The following ATP11A variants were observed in gnomAD, a reference collection of about 807,000 sequenced individuals.
ATP11A encodes the protein phospholipid-transporting ATPase IH.
Under a neutral mutation model 154.4 loss-of-function variants are expected in ATP11A, and 81 were observed. That is an observed-to-expected ratio of 0.52 (90% CI 0.44 to 0.63). The LOEUF (loss-of-function observed/expected upper bound fraction) is 0.63, where lower values mean the gene tolerates loss of function less well. ATP11A is among the 30% of genes least tolerant of loss of function. The probability of loss-of-function intolerance (pLI) is 0.00; values close to 1 mark genes in which losing one functional copy is unlikely to be tolerated. For missense variants in ATP11A, 1,316 were observed against 1,474.3 expected (o/e 0.89, Z 1.76); for synonymous variants, 623 against 585.9 (o/e 1.06, Z -0.91).
At chr13:112,708,015 T>G (rs978766804) in intron 1 of ATP11A, among the ~76,000 whole-genome samples, 1 of 152,212 alleles carries the variant, frequency 6.6e-6, no homozygotes, top group Non-Finnish European at 1.5e-5. Context: ...AAGGGCCCAA[T>G]TCTTCTCCAT....
In ATP11A at chr13:112,886,174, C is replaced by G. The variant is rs368128410; in HGVS notation, c.*4308C>G. ...GACAGGGCGAACAAGCAGGCCACAC[C>G]GTCTCGAGGGAGGAGGCCAGATGCG... On this transcript the variant is annotated 3_prime_UTR_variant, in exon 30 of 30. Coordinates refer to ENST00000375645, the MANE Select transcript of ATP11A (RefSeq NM_015205.3). The G allele has an allele frequency of 6.6e-6, 1 of 152,280 alleles. No homozygotes were observed. 9.4% of individuals were successfully genotyped at this position (152,280 alleles called of 1,614,324 possible).
At position 112,844,794 on chromosome 13, in the gene ATP11A, G is replaced by GC. The variant is rs1566562492; in HGVS notation, c.1809+2415_1809+2416insC. ...CAGTACTAACCAGTCCAGTTGCCGG[G>GC]TGTTAGTGGTACTAACCAGTCCAGT... On this transcript the variant is annotated intron_variant, in intron 17 of 29. Transcript: ENST00000375645. Among the ~76,000 whole-genome samples the GC allele has an allele frequency of 4.1e-3, 266 of 65,164 alleles. 4 individuals carry two copies. The highest frequency in any genetic ancestry group is 0.029 in the African/African-American group (257 of 8,870). 42.8% of individuals were successfully genotyped at this position (65,164 alleles called of 152,430 possible). A position where few individuals can be genotyped will look rare whatever the true frequency, so the allele number is the denominator to read the frequency against.
chr13:112,804,811 A>G, intron 2 of ATP11A, 146 bp from the exon 3 acceptor site: 1 of 503,576 alleles, frequency 2.0e-6, no homozygotes, highest in Admixed American at 3.9e-5. Flanking sequence ...CTGTCAACAA[A>G]CACTCTAAAT....
At chr13:112,698,502 T>C (rs1041738550) in intron 1 of ATP11A, among the ~76,000 whole-genome samples, 1 of 152,148 alleles carries the variant, frequency 6.6e-6, no homozygotes, top group Non-Finnish European at 1.5e-5. Context: ...TTTCTCCTTA[T>C]TACATATCCT....
At chr13:112,744,194 G>C (rs778117817) in intron 1 of ATP11A, among the ~76,000 whole-genome samples, 1 of 152,174 alleles carries the variant, frequency 6.6e-6, no homozygotes, top group African/African-American at 2.4e-5. Context: ...GGTTTGGGAC[G>C]GTCTGGGAGG....
At chr13:112,775,352 C>G (rs891156973) in intron 1 of ATP11A, among the ~76,000 whole-genome samples, 2 of 152,196 alleles carry the variant, frequency 1.3e-5, no homozygotes, top group African/African-American at 2.4e-5. Context: ...TACCACACAG[C>G]GGGAGGCATG....
chr13:112,698,534 C>G (rs914020), intron 1 of ATP11A, among the ~76,000 whole-genome samples: 124,387 of 152,072 alleles, frequency 0.82, 51,608 homozygotes, highest in East Asian at 0.95. Flanking sequence ...CCTGGCAGCC[C>G]GACCTGAGAG....
intron 2 of ATP11A, among the ~76,000 whole-genome samples, chr13:112,795,854 A>G (rs2077986383): frequency 6.6e-6 from 1 of 152,258 alleles, no homozygotes; most frequent in African/African-American, 2.4e-5. Flanking sequence ...TTGTATACAC[A>G]AGAAAACTAG....
At chr13:112,879,804 C>G (rs562747533) in intron 29 of ATP11A, among the ~76,000 whole-genome samples, 1 of 152,366 alleles carries the variant, frequency 6.6e-6, no homozygotes, top group South Asian at 2.1e-4. Context: ...TATGTTACTT[C>G]CAGTGGATGG....
chr13:112,817,361 TAG>T lies in ATP11A; in HGVS notation c.570+1152_570+1153del, dbSNP rs1489709186. Among the ~76,000 whole-genome samples the T allele has an allele frequency of 2.6e-5, 4 of 152,348 alleles. No homozygotes were observed. The East Asian group carries it at 7.7e-4, about 29-fold the overall frequency. ...ATTCATGATATGTATCATGAATTGA[TAG>T]ATGAAAAACCTATGGATCTTTTTCA... On this transcript the variant is annotated intron_variant, in intron 6 of 29. Transcript: ENST00000375645.
chr13:112,722,834 C>T (rs1566382309), intron 1 of ATP11A, among the ~76,000 whole-genome samples: 1 of 152,136 alleles, frequency 6.6e-6, no homozygotes, highest in Non-Finnish European at 1.5e-5. Flanking sequence ...AGGCAGGAGT[C>T]ATAGGAAAGA....
chr13:112,796,226 T>C (rs1203832404), intron 2 of ATP11A, among the ~76,000 whole-genome samples: 2 of 152,238 alleles, frequency 1.3e-5, no homozygotes, highest in African/African-American at 4.8e-5. Flanking sequence ...TGGTTCTCAA[T>C]TTGGTTGCAT....
At chr13:112,738,814 C>G (rs1287920440) in intron 1 of ATP11A, among the ~76,000 whole-genome samples, 1 of 152,046 alleles carries the variant, frequency 6.6e-6, no homozygotes, top group Admixed American at 6.6e-5. Flanking sequence ...CCTGCCCCGC[C>G]CCTACAGAGC....
At chr13:112,779,220 T>C (rs2077434166) in intron 1 of ATP11A, among the ~76,000 whole-genome samples, 1 of 125,526 alleles carries the variant, frequency 8.0e-6, no homozygotes, top group South Asian at 2.7e-4. Context: ...GAGTAGCCGC[T>C]GGAGTGAGGA....
intron 1 of ATP11A, among the ~76,000 whole-genome samples, chr13:112,704,078 A>G (rs763066666): frequency 6.6e-6 from 1 of 152,212 alleles, no homozygotes; most frequent in Non-Finnish European, 1.5e-5. Context: ...ACAATGGGAT[A>G]CGCTGGTCCT....
chr13:112,812,213 A>G (rs1401152496), intron 5 of ATP11A: 1 of 152,264 alleles, frequency 6.6e-6, no homozygotes, highest in Non-Finnish European at 1.5e-5. Context: ...GGTAGAAACC[A>G]TGAGTGTGGT....
rs1013381853 is a variant in ATP11A at position 112,886,060 on chromosome 13, G to C, written c.*4194G>C. ...CACGCCGCACCTCATCCGTGCACGC[G>C]TCGGAGCACGGCCAGCCTTCCGCCA... On this transcript the variant is annotated 3_prime_UTR_variant, in exon 30 of 30. Coordinates refer to ENST00000375645, the MANE Select transcript of ATP11A (RefSeq NM_015205.3). 3.9e-5 allele frequency: 6 copies of C among 152,342 alleles called. No individual in the cohort carries two copies. The highest frequency in any genetic ancestry group is 2.9e-5 in the Non-Finnish European group (2 of 68,126). 9.4% of individuals were successfully genotyped at this position (152,342 alleles called of 1,614,324 possible).
At chr13:112,783,666 A>G (rs1315679133) in intron 1 of ATP11A, among the ~76,000 whole-genome samples, 1 of 152,230 alleles carries the variant, frequency 6.6e-6, no homozygotes, top group Non-Finnish European at 1.5e-5. Context: ...CAGTTCCTAC[A>G]GAGAACTGGG....
At chr13:112,718,519 C>T (rs539457899) in intron 1 of ATP11A, among the ~76,000 whole-genome samples, 52 of 152,290 alleles carry the variant, frequency 3.4e-4, no homozygotes, top group African/African-American at 9.9e-4. Flanking sequence ...GTCCTCCCTC[C>T]GAGGTGTGTG....
Sources: allele counts gnomAD v4.1 joint callset (sites outside exome capture counted in the v4.1 genomes callset), GRCh38; gene constraint gnomAD v4.1.1; transcripts MANE v1.5; gene names NCBI Gene and HGNC (gene_info 2026-07-23, HGNC 2026-07-21).